KIAA0586: variants seen among roughly 807,000 people sequenced by gnomAD.
The protein encoded by KIAA0586 is KIAA0586, also known as protein TALPID3.
KIAA0586 carries 144 observed loss-of-function variants against 169.8 expected under a neutral mutation model. The observed-to-expected ratio is 0.85, with a 90% CI of 0.74 to 0.97. The LOEUF (loss-of-function observed/expected upper bound fraction) is 0.97. Ranked by LOEUF, KIAA0586 falls within the 50% of genes least tolerant of loss-of-function variation. KIAA0586 has a pLI of 0.00. For missense variants in KIAA0586, 1,854 were observed against 1,823.0 expected, an observed-to-expected ratio of 1.02 and a Z score of -0.31; for synonymous variants, 625 against 612.4, an observed-to-expected ratio of 1.02 and a Z score of -0.30.
chr14:58,558,857 A>G, the KIAA0586 span, among the ~76,000 whole-genome samples: 40 of 152,308 alleles, frequency 2.6e-4, 1 homozygote, highest in South Asian at 8.1e-3. Context: ...TCTTAACAGC[A>G]ACAACAACAA....
chr14:58,478,987 G>A (rs570715778), intron 20 of KIAA0586, among the ~76,000 whole-genome samples: 1 of 152,222 alleles, frequency 6.6e-6, no homozygotes, highest in South Asian at 2.1e-4. Flanking sequence ...TCAGTTTTTG[G>A]CTATTATGAA....
chr14:58,518,404 A>G (rs934538368), intron 29 of KIAA0586, among the ~76,000 whole-genome samples: 2 of 152,198 alleles, frequency 1.3e-5, no homozygotes, highest in Admixed American at 6.5e-5. Flanking sequence ...AATCTGAAAC[A>G]TTTATGTTTT....
At chr14:58,454,998 C>G (rs2039699957) in intron 9 of KIAA0586, among the ~76,000 whole-genome samples, 1 of 152,170 alleles carries the variant, frequency 6.6e-6, no homozygotes, top group South Asian at 2.1e-4. Context: ...GTCTCTAAGA[C>G]TTAATTTTTC....
At chr14:58,521,509 G>C in intron 29 of KIAA0586, 1 of 767,884 alleles carries the variant, frequency 1.3e-6, no homozygotes, top group East Asian at 2.9e-5. Context: ...CCCAGCACAT[G>C]TTCCTCCTCC....
intron 24 of KIAA0586, among the ~76,000 whole-genome samples, chr14:58,489,896 G>A (rs190675806): frequency 4.0e-4 from 61 of 151,864 alleles, no homozygotes; most frequent in African/African-American, 1.4e-3. Flanking sequence ...GAGAATACCC[G>A]TTTCTCAATT....
intron 28 of KIAA0586, among the ~76,000 whole-genome samples, chr14:58,511,986 T>G (rs888081355): frequency 6.6e-6 from 1 of 152,184 alleles, no homozygotes; most frequent in African/African-American, 2.4e-5. Context: ...GGTTATGTTA[T>G]ATGAGAGATG....
chr14:58,511,895 T>C (rs551382176), intron 28 of KIAA0586, among the ~76,000 whole-genome samples: 2 of 152,222 alleles, frequency 1.3e-5, no homozygotes, highest in East Asian at 3.9e-4. Flanking sequence ...GCGCATAAAA[T>C]AGGAAAGAGA....
chr14:58,467,249 G>A (rs971194700), intron 15 of KIAA0586, among the ~76,000 whole-genome samples: 1 of 152,090 alleles, frequency 6.6e-6, no homozygotes, highest in Non-Finnish European at 1.5e-5. Context: ...AAAGCACATG[G>A]TAATATACAA....
At chr14:58,464,185 A>G (rs1287122822) in intron 14 of KIAA0586, 3 of 348,092 alleles carry the variant, frequency 8.6e-6, no homozygotes, top group East Asian at 8.9e-5. Flanking sequence ...AATAATTTAT[A>G]TAATGGAATC....
At chr14:58,453,903 A>T (rs906369478) in intron 9 of KIAA0586, among the ~76,000 whole-genome samples, 45 of 152,146 alleles carry the variant, frequency 3.0e-4, no homozygotes, top group Admixed American at 2.8e-3. Flanking sequence ...AAAAAGTTTT[A>T]AAAAAATCAA....
At chr14:58,521,606 G>C (rs1024316079) in intron 29 of KIAA0586, 1 of 1,037,976 alleles carries the variant, frequency 9.6e-7, no homozygotes, top group Non-Finnish European at 1.5e-6. Flanking sequence ...TTCTAAGAGA[G>C]GACAGCGGGG....
intron 28 of KIAA0586, among the ~76,000 whole-genome samples, chr14:58,509,838 C>G (rs1041879229): frequency 2.0e-5 from 3 of 152,018 alleles, no homozygotes; most frequent in African/African-American, 7.2e-5. Flanking sequence ...TTAAATTGGT[C>G]TTATCAAAAA....
At chr14:58,485,863 G>T (rs534684331) in intron 21 of KIAA0586, among the ~76,000 whole-genome samples, 7 of 152,030 alleles carry the variant, frequency 4.6e-5, no homozygotes, top group South Asian at 4.1e-4. Context: ...TGATTTTTTG[G>T]TATGTTGTCA....
In KIAA0586 at chr14:58,465,968, A is replaced by G. The variant is rs1384677677; in HGVS notation, c.2193A>G (p.Arg731=). Residue 731 remains arginine (R), a synonymous_variant, in exon 15 of 31, where the codon AGA becomes AGG. Coordinates refer to ENST00000652326, the MANE Select transcript of KIAA0586 (RefSeq NM_001329943.3). ...AGCAATATTTGTTCAGCCCAAGTAG[A>G]GAAATGCCTACTTTTTCAGGTACAT... ...GDQQYLFSPS[R]EMPTFSGTLE... 2 of 1,613,308 alleles carry G rather than the reference A, an allele frequency of 1.2e-6. No individual in the cohort carries two copies. The highest frequency in any genetic ancestry group is 1.7e-6 in the Non-Finnish European group (2 of 1,179,506).
chr14:58,429,254 C>A, intron 1 of KIAA0586, 109 bp from the exon 2 acceptor site: 1 of 624,158 alleles, frequency 1.6e-6, no homozygotes, highest in South Asian at 2.4e-5. Flanking sequence ...ATTGTCTTTC[C>A]AACTTCTGCG....
rs1184449177 is a variant in KIAA0586, at chr14:58,427,898, C to G, written c.-367C>G. On this transcript the variant is annotated 5_prime_UTR_variant, in exon 1 of 31. Transcript: ENST00000652326. ...AAAAATAGCATTTCGCTTTTATTTG[C>G]TTGACTGCCTCTTCTCAACAAATTT... 5 of 1,360,026 alleles carry G rather than the reference C, an allele frequency of 3.7e-6. No individual in the cohort carries two copies. In the East Asian group the frequency reaches 1.3e-4, roughly 35 times the overall value. 84.2% of individuals were successfully genotyped at this position (1,360,026 alleles called of 1,614,324 possible). A position where few individuals can be genotyped will look rare whatever the true frequency, so the allele number is the denominator to read the frequency against.
At chr14:58,487,400 A>G (rs571112949) in intron 22 of KIAA0586, among the ~76,000 whole-genome samples, 2 of 152,204 alleles carry the variant, frequency 1.3e-5, no homozygotes, top group South Asian at 4.2e-4. Context: ...CGAGGTCAGG[A>G]GTTTGAGACC....
intron 26 of KIAA0586, 82 bp from the exon 27 acceptor site, chr14:58,498,701 T>A: frequency 8.4e-7 from 1 of 1,196,526 alleles, no homozygotes; most frequent in Non-Finnish European, 1.2e-6. Flanking sequence ...CAAAGGGTAT[T>A]GTTCATGATA....
intron 30 of KIAA0586, chr14:58,543,874 T>C (rs1200196490): frequency 6.6e-6 from 3 of 452,916 alleles, no homozygotes; most frequent in East Asian, 7.0e-5. Context: ...TTTTTAACTT[T>C]TATTTTAGGT....
Sources: gnomAD v4.1 joint callset for allele counts (sites outside exome capture counted in the v4.1 genomes callset) on GRCh38, gnomAD v4.1.1 for gene constraint, MANE v1.5 for transcripts, NCBI Gene and HGNC (gene_info 2026-07-23, HGNC 2026-07-21) for gene names.